Variants in IL1RAPL1 observed in about 807,000 individuals in gnomAD.
IL1RAPL1 encodes interleukin 1 receptor accessory protein like 1.
Under a neutral mutation model 48.4 loss-of-function variants are expected in IL1RAPL1, and 3 were observed. The ratio of observed to expected loss-of-function variants is 0.06; its 90% confidence interval spans 0.03 to 0.16. The LOEUF is 0.16. Among genes scored for constraint, IL1RAPL1 ranks in the 10% least tolerant of loss-of-function variants. The pLI is 1.00. For synonymous variants in IL1RAPL1, 185 were observed against 187.7 expected (o/e 0.99, Z 0.12); for missense variants, 349 against 530.6 (o/e 0.66, Z 3.36).
At chrX:28,814,126 T>C (rs1936827506) in intron 2 of IL1RAPL1, among the ~76,000 whole-genome samples, 1 of 110,643 alleles carries the variant, frequency 9.0e-6, no homozygotes, top group Non-Finnish European at 1.9e-5. Flanking sequence ...TAATCTTTGA[T>C]TGGGAAATAA....
chrX:29,205,444 A>G (rs1265048656), intron 2 of IL1RAPL1, among the ~76,000 whole-genome samples: 1 of 111,272 alleles, frequency 9.0e-6, no homozygotes, highest in Non-Finnish European at 1.9e-5. Flanking sequence ...ATATATATTG[A>G]TGTTATATAG....
At chrX:29,027,992 A>G (rs1490516948) in intron 2 of IL1RAPL1, among the ~76,000 whole-genome samples, 5 of 109,092 alleles carry the variant, frequency 4.6e-5, no homozygotes, top group African/African-American at 1.7e-4. Flanking sequence ...AAAAAATTGT[A>G]TGTGTTTATC....
intron 5 of IL1RAPL1, among the ~76,000 whole-genome samples, chrX:29,616,550 A>T (rs777553702): frequency 5.9e-5 from 6 of 101,668 alleles, no homozygotes; most frequent in Non-Finnish European, 1.2e-4. Context: ...TCATTGTTCA[A>T]TTCCCACCTA....
intron 6 of IL1RAPL1, among the ~76,000 whole-genome samples, chrX:29,707,465 G>GA (rs936906285): frequency 9.0e-6 from 1 of 111,589 alleles, no homozygotes; most frequent in Non-Finnish European, 1.9e-5. Context: ...GTAATTATAT[G>GA]AAAAAAAGAT....
chrX:29,515,644 A>G (rs1024086624), intron 5 of IL1RAPL1, among the ~76,000 whole-genome samples: 14 of 111,872 alleles, frequency 1.3e-4, no homozygotes, highest in African/African-American at 4.6e-4. Context: ...CACTTACCTG[A>G]TGAAGTATAT....
At chrX:29,268,625 T>C (rs1001088675) in intron 2 of IL1RAPL1, among the ~76,000 whole-genome samples, 1 of 111,994 alleles carries the variant, frequency 8.9e-6, no homozygotes, top group East Asian at 2.8e-4. Flanking sequence ...AATACTACAT[T>C]GAAAAAATAA....
At chrX:28,624,312 C>A (rs912457329) in intron 1 of IL1RAPL1, among the ~76,000 whole-genome samples, 1 of 111,694 alleles carries the variant, frequency 9.0e-6, no homozygotes, top group Non-Finnish European at 1.9e-5. Flanking sequence ...GAGGTAAAAA[C>A]ACTCTGAAAA....
rs890670384 is a variant in IL1RAPL1, at chrX:29,364,853, C to G, written c.363-31405C>G. Among the ~76,000 whole-genome samples, 4 of 110,829 alleles carry G rather than the reference C, an allele frequency of 3.6e-5. No individual in the cohort carries two copies. In the East Asian group the frequency reaches 1.1e-3, roughly 31 times the overall value. Reference sequence around the variant, plus strand: ...CAGTGTCCACAGGAGGTCCTAGAACCAATTCCCCACAGATAACAGGGATGA... The same window carrying G: ...CAGTGTCCACAGGAGGTCCTAGAACGAATTCCCCACAGATAACAGGGATGA... On this transcript the variant is annotated intron_variant, in intron 3 of 10. Coordinates refer to ENST00000378993, the MANE Select transcript of IL1RAPL1 (RefSeq NM_014271.4).
At chrX:28,654,815 T>C (rs191400096) in intron 1 of IL1RAPL1, among the ~76,000 whole-genome samples, 15 of 111,973 alleles carry the variant, frequency 1.3e-4, no homozygotes, top group Admixed American at 1.1e-3. Context: ...CTCATGGAAA[T>C]TGGGAAATTT....
At chrX:29,085,043 G>A (rs932009650) in intron 2 of IL1RAPL1, among the ~76,000 whole-genome samples, 59 of 111,801 alleles carry the variant, frequency 5.3e-4, no homozygotes, top group African/African-American at 1.9e-3. Flanking sequence ...AAATTAAAGG[G>A]ATACATATGT....
At chrX:29,035,717 G>A (rs1926718490) in intron 2 of IL1RAPL1, among the ~76,000 whole-genome samples, 1 of 111,040 alleles carries the variant, frequency 9.0e-6, no homozygotes, top group East Asian at 2.8e-4. Context: ...ATATAGCATT[G>A]GAGTGAAAAA....
intron 2 of IL1RAPL1, among the ~76,000 whole-genome samples, chrX:28,959,003 A>G (rs765422033): frequency 1.3e-4 from 14 of 111,625 alleles, no homozygotes; most frequent in Non-Finnish European, 2.3e-4. Context: ...TCTTTTTAAA[A>G]TAACCTATAT....
chrX:29,396,336 G>C lies in IL1RAPL1; in HGVS notation c.441G>C (p.Lys147Asn), dbSNP rs1325300642. 5.8e-6 allele frequency: 7 copies of C among 1,206,867 alleles called. No homozygotes were observed. The highest frequency in any genetic ancestry group is 7.8e-6 in the Non-Finnish European group (7 of 892,130). ...ACACTGGACTCTGCTATAATTCCAA[G>C]ATGAAGTATTTTGAAAAAGCTGAAC... ...ENDTGLCYNSKMKYFEKAELS... is the reference protein window; with the variant it reads ...ENDTGLCYNSNMKYFEKAELS... The change falls in exon 4 of 11, where the codon AAG becomes AAC. Residue 147 changes from lysine to asparagine, a missense_variant. By Grantham distance (94) the Lys-to-Asn change is moderately conservative (BLOSUM62 0). Transcript: ENST00000378993.
At chrX:29,691,488 A>G (rs1176843572) in intron 6 of IL1RAPL1, among the ~76,000 whole-genome samples, 1 of 111,647 alleles carries the variant, frequency 9.0e-6, no homozygotes, top group East Asian at 2.8e-4. Flanking sequence ...ACAAACAAAC[A>G]AAAAATAAGT....
chrX:29,760,553 C>G (rs1379955141), intron 6 of IL1RAPL1, among the ~76,000 whole-genome samples: 1 of 111,893 alleles, frequency 8.9e-6, no homozygotes, highest in Non-Finnish European at 1.9e-5. Flanking sequence ...TTTTGGGCCC[C>G]ATCACAGGTC....
chrX:28,642,708 A>G (rs1461136751), intron 1 of IL1RAPL1, among the ~76,000 whole-genome samples: 1 of 111,831 alleles, frequency 8.9e-6, no homozygotes, highest in African/African-American at 3.3e-5. Flanking sequence ...AGAAAGTGGG[A>G]AAGATCTAAA....
Position 29,805,955 on chromosome X carries a change from T to A in IL1RAPL1, c.779-111509T>A, listed in dbSNP as rs1930245488. Among the ~76,000 whole-genome samples the A allele has an allele frequency of 6.5e-5, 7 of 107,326 alleles. No homozygotes were observed. The Admixed American group carries it at 7.1e-4, about 11-fold the overall frequency. The allele number at this position is 107,326 out of a possible 115,157, so 93.2% of individuals were successfully genotyped here. A position where few individuals can be genotyped will look rare whatever the true frequency, so the allele number is the denominator to read the frequency against. ...TGAAAAATTATATATATATAAAATCTATAGATTATATATAATATATACAGG... is the reference window on the plus strand; with the variant it reads ...TGAAAAATTATATATATATAAAATCAATAGATTATATATAATATATACAGG... On this transcript the variant is annotated intron_variant, in intron 6 of 10. Transcript: ENST00000378993.
intron 2 of IL1RAPL1, among the ~76,000 whole-genome samples, chrX:28,923,574 T>G (rs907914796): frequency 8.9e-6 from 1 of 111,732 alleles, no homozygotes; most frequent in East Asian, 2.8e-4. Context: ...TGAAGAGTAC[T>G]GATGTCTGCA....
chrX:29,693,812 C>A (rs1477001475), intron 6 of IL1RAPL1, among the ~76,000 whole-genome samples: 2 of 108,174 alleles, frequency 1.8e-5, no homozygotes, highest in Admixed American at 9.7e-5. Context: ...TGAAATGATT[C>A]ATTTCTTTTT....
Sources: gnomAD v4.1 joint callset for allele counts (sites outside exome capture counted in the v4.1 genomes callset) on GRCh38, gnomAD v4.1.1 for gene constraint, MANE v1.5 for transcripts, NCBI Gene and HGNC (gene_info 2026-07-23, HGNC 2026-07-21) for gene names.